Variants in CDCP1 observed in about 807,000 individuals in gnomAD.
CDCP1 encodes CUB domain-containing protein 1.
In CDCP1, 29 loss-of-function variants were observed where a neutral mutation model predicts 60.2. That is an observed-to-expected ratio of 0.48 (90% confidence interval 0.36 to 0.66). The LOEUF (loss-of-function observed/expected upper bound fraction) is 0.66, where lower values mean the gene tolerates loss of function less well. CDCP1 is among the 30% of genes least tolerant of loss of function. The pLI, the probability that CDCP1 is intolerant of heterozygous loss-of-function variation, is 0.00. For synonymous variants in CDCP1, 387 were observed against 431.1 expected, an observed-to-expected ratio of 0.90 and a Z score of 1.27; for missense variants, 876 against 1,074.3, an observed-to-expected ratio of 0.82 and a Z score of 2.58.
intron 1 of CDCP1, among the ~76,000 whole-genome samples, chr3:45,135,306 A>C (rs957141152): frequency 6.6e-6 from 1 of 152,020 alleles, no homozygotes; most frequent in African/African-American, 2.4e-5. Flanking sequence ...AGAAAAAAAA[A>C]AAAACAAAAA....
rs1288324055 is a variant in CDCP1, at chr3:45,091,624, A to G, written c.1628-86T>C. 2.1e-6 allele frequency: 3 copies of G among 1,456,496 alleles called. No homozygotes were observed. Among genetic ancestry groups the G allele is most frequent in the Non-Finnish European group, 9.1e-7 (1 of 1,098,144 alleles). 90.2% of individuals were successfully genotyped at this position (1,456,496 alleles called of 1,614,324 possible). On this transcript the variant is annotated intron_variant, in intron 6 of 8. Transcript: ENST00000296129. The surrounding 1 kb of genome is among the most constrained non-coding windows in gnomAD (Gnocchi z 4.8). ...GGAGTGGTGGAGGAGACGAAGTCCA[A>G]CTGTCCAGACCAGCGCTGTCTAACC...
chr3:45,146,405 C>T, upstream of CDCP1: 3 of 781,800 alleles, frequency 3.8e-6, no homozygotes, highest in Non-Finnish European at 5.7e-6. Context: ...CGCGGGCGGA[C>T]CGGCCCGAGC....
intron 1 of CDCP1, among the ~76,000 whole-genome samples, chr3:45,138,310 G>A (rs1559402826): frequency 1.3e-5 from 2 of 152,176 alleles, no homozygotes; most frequent in Non-Finnish European, 2.9e-5. Flanking sequence ...CGTCCCCAAA[G>A]TCGACTGCAC....
At chr3:45,090,189 T>A (rs1034501624) in intron 7 of CDCP1, among the ~76,000 whole-genome samples, 3 of 152,076 alleles carry the variant, frequency 2.0e-5, no homozygotes, top group Admixed American at 1.3e-4. Flanking sequence ...GGACCTTCAA[T>A]CACTCTGACC....
chr3:45,121,284 A>G (rs146624311), intron 1 of CDCP1, among the ~76,000 whole-genome samples: 4 of 152,312 alleles, frequency 2.6e-5, no homozygotes, highest in African/African-American at 9.6e-5. Flanking sequence ...GTGGCCATTT[A>G]GAATCTTCTG....
intron 7 of CDCP1, among the ~76,000 whole-genome samples, chr3:45,090,629 A>G (rs563643982): frequency 6.6e-6 from 1 of 152,334 alleles, no homozygotes; most frequent in African/African-American, 2.4e-5. Flanking sequence ...GGATGCTGGT[A>G]GATTGACTAA....
In CDCP1 at chr3:45,112,234, A is replaced by G; in HGVS notation, c.504T>C (p.Asp168=). The change falls in exon 3 of 9, where the codon GAT becomes GAC. Residue 168 remains aspartate (D), a synonymous_variant. Transcript: ENST00000296129. ...AGGTTCCGATCCTGACCACGGTGGC[A>G]TCGATTCGGCCGCTGATGGAGTGAG... is the stretch of plus-strand genomic sequence containing the variant. ...GVTHSISGRI[D]ATVVRIGTFC... is the part of the protein sequence containing the mutation. 1 of 1,614,198 alleles carries G rather than the reference A, an allele frequency of 6.2e-7. No homozygotes were observed. Among genetic ancestry groups the G allele is most frequent in the Non-Finnish European group, 8.5e-7 (1 of 1,180,028 alleles).
chr3:45,141,437 C>T (rs62244470), intron 1 of CDCP1, among the ~76,000 whole-genome samples: 21,493 of 152,202 alleles, frequency 0.14, 1,681 homozygotes, highest in Middle Eastern at 0.27. Context: ...GGTTTTGCAT[C>T]GCTGTGCAGT....
chr3:45,125,149 T>C lies in CDCP1; in HGVS notation c.83-6528A>G, dbSNP rs543711844. ...TGAGATGACTGTCAGGAAGGACAGA[T>C]GGAAGGAATAGCAGGTGCAAAGATG... On this transcript the variant is annotated intron_variant, in intron 1 of 8. Coordinates refer to ENST00000296129, the MANE Select transcript of CDCP1 (RefSeq NM_022842.5). Among the ~76,000 whole-genome samples, 41 of 152,230 alleles carry C rather than the reference T, an allele frequency of 2.7e-4. No individual in the cohort carries two copies. In the East Asian group the frequency reaches 7.9e-3, roughly 29 times the overall value.
Position 45,112,286 on chromosome 3 carries a change from G to A in CDCP1, c.452C>T (p.Pro151Leu), listed in dbSNP as rs144845427. The A allele has an allele frequency of 3.0e-5, 49 of 1,614,050 alleles. No individual in the cohort carries two copies. The highest frequency in any genetic ancestry group is 2.1e-4 in the African/African-American group (16 of 74,918). ...GACTCCGTCTGGGCAGCTCTCACCCGGACCGATCTGCCTCAGGCGAGGGAT... is the reference window on the plus strand; with the variant it reads ...GACTCCGTCTGGGCAGCTCTCACCCAGACCGATCTGCCTCAGGCGAGGGAT... Reference protein sequence around the residue: ...FSIPRLRQIGPGESCPDGVTH... With the variant: ...FSIPRLRQIGLGESCPDGVTH... Residue 151 changes from proline (P) to leucine (L), a missense_variant, in exon 3 of 9, where the codon CCG becomes CTG. Physicochemically the swap from Pro to Leu is moderately conservative, Grantham distance 98. This residue lies in a region of CDCP1 where 726 missense variants were observed against 935.7 expected (regional missense o/e 0.78). Coordinates refer to ENST00000296129, the MANE Select transcript of CDCP1 (RefSeq NM_022842.5).
chr3:45,097,317 A>G (rs371650669), intron 4 of CDCP1, among the ~76,000 whole-genome samples: 1 of 150,998 alleles, frequency 6.6e-6, no homozygotes, highest in Non-Finnish European at 1.5e-5. Context: ...CAAAAAAAAA[A>G]GAAAGAAAGA....
chr3:45,107,888 G>T (rs9835787), intron 4 of CDCP1, among the ~76,000 whole-genome samples: 6,955 of 152,110 alleles, frequency 0.046, 231 homozygotes, highest in African/African-American at 0.092. Flanking sequence ...TGGCCGAGGC[G>T]GGTGGATCAC....
chr3:45,140,433 A>T (rs1449325326), intron 1 of CDCP1, among the ~76,000 whole-genome samples: 1 of 152,208 alleles, frequency 6.6e-6, no homozygotes, highest in African/African-American at 2.4e-5. Context: ...GTGCTCAGGG[A>T]ACAGTTTTAA....
Position 45,112,384 on chromosome 3 carries a change from C to T in CDCP1, c.354G>A (p.Leu118=). The change falls in exon 3 of 9, where the codon TTG becomes TTA. Residue 118 remains leucine, a synonymous_variant. Coordinates refer to ENST00000296129, the MANE Select transcript of CDCP1 (RefSeq NM_022842.5). ...EVQLQPSTSL[L]PTLNRTFIWD... is the part of the protein sequence containing the mutation. ...AGATGAAAGTTCTGTTGAGGGTAGG[C>T]AACAACGATGTCGAGGGCTGAAGCT... is the stretch of plus-strand genomic sequence containing the variant. 1 of 1,614,218 alleles carries T rather than the reference C, an allele frequency of 6.2e-7. No individual in the cohort carries two copies.
chr3:45,100,592 T>C (rs1698472444), intron 4 of CDCP1, among the ~76,000 whole-genome samples: 1 of 152,258 alleles, frequency 6.6e-6, no homozygotes, highest in Non-Finnish European at 1.5e-5. Context: ...ACCACCTTTC[T>C]ACTCTATGAA....
In CDCP1 at chr3:45,122,510, G is replaced by A. The variant is rs561171784; in HGVS notation, c.83-3889C>T. Among the ~76,000 whole-genome samples the A allele has an allele frequency of 3.2e-4, 49 of 151,936 alleles. 1 individual carries two copies. Among genetic ancestry groups the A allele is most frequent in the South Asian group, 4.2e-4 (2 of 4,806 alleles). On this transcript the variant is annotated intron_variant, in intron 1 of 8. Coordinates refer to ENST00000296129, the MANE Select transcript of CDCP1 (RefSeq NM_022842.5). ...AGAGTTTCCCTCTGTTGCCCAGGCC[G>A]GAGTGCAATGGCGTGATCTTGGCAA...
chr3:45,104,400 G>C (rs547721455), intron 4 of CDCP1, among the ~76,000 whole-genome samples: 40 of 152,316 alleles, frequency 2.6e-4, no homozygotes, highest in African/African-American at 9.6e-4. Context: ...TAATTTCCCT[G>C]CTGCCTACAG....
At chr3:45,131,515 T>C (rs899363600) in intron 1 of CDCP1, among the ~76,000 whole-genome samples, 5 of 152,210 alleles carry the variant, frequency 3.3e-5, no homozygotes, top group Non-Finnish European at 7.3e-5. Context: ...ATTTGACTAC[T>C]AATCTAAGTG....
At chr3:45,119,715 C>T (rs1204748080) in intron 1 of CDCP1, among the ~76,000 whole-genome samples, 1 of 152,176 alleles carries the variant, frequency 6.6e-6, no homozygotes, top group Non-Finnish European at 1.5e-5. Context: ...AAAAATCAAC[C>T]TTATTGACAG....
Sources: gnomAD v4.1 joint callset for allele counts (sites outside exome capture counted in the v4.1 genomes callset) on GRCh38, gnomAD v4.1.1 for gene constraint, gnomAD v4.1.1 regional missense constraint, Gnocchi (gnomAD v3.1) non-coding constraint, MANE v1.5 for transcripts, NCBI Gene and HGNC (gene_info 2026-07-23, HGNC 2026-07-21) for gene names.